Variants in RBFOX1 observed in about 807,000 individuals in gnomAD.
RBFOX1 encodes the protein RNA binding protein fox-1 homolog 1.
RBFOX1 carries 8 observed loss-of-function variants against 57.7 expected under a neutral mutation model. The observed-to-expected ratio is 0.14, with a 90% CI of 0.08 to 0.25. The LOEUF (loss-of-function observed/expected upper bound fraction) is 0.25, where lower values mean the gene tolerates loss of function less well. RBFOX1 is among the 10% of genes least tolerant of loss of function. RBFOX1 has a pLI of 1.00. For synonymous variants in RBFOX1, 326 were observed against 222.4 expected (o/e 1.47, Z -4.15); for missense variants, 611 against 548.5 (o/e 1.11, Z -1.14).
intron 5 of RBFOX1, among the ~76,000 whole-genome samples, chr16:7,574,763 C>G (rs1168863815): frequency 6.6e-6 from 1 of 152,114 alleles, no homozygotes; most frequent in Non-Finnish European, 1.5e-5. Context: ...ACTTTGCATC[C>G]TTCAATCCAA....
intron 1 of RBFOX1, among the ~76,000 whole-genome samples, chr16:5,286,888 G>T (rs34158523): frequency 3.3e-5 from 5 of 152,088 alleles, no homozygotes; most frequent in Non-Finnish European, 5.9e-5. Context: ...GGCCAGATTT[G>T]GCCCTTGGTC....
At chr16:7,180,819 A>C (rs2082552736) in intron 4 of RBFOX1, among the ~76,000 whole-genome samples, 1 of 151,434 alleles carries the variant, frequency 6.6e-6, no homozygotes, top group South Asian at 2.1e-4. Flanking sequence ...TTAAAAAGAC[A>C]CATGTGTCAG....
At chr16:5,239,860 C>G (rs1451330031) in exon 1 of RBFOX1, 16 of 1,311,676 alleles carry the variant, frequency 1.2e-5, no homozygotes, top group Non-Finnish European at 1.7e-5. Flanking sequence ...TTCCTCTTCC[C>G]CAAGTGCAGG....
intron 1 of RBFOX1, among the ~76,000 whole-genome samples, chr16:6,181,617 A>C (rs904241015): frequency 1.3e-5 from 2 of 152,176 alleles, no homozygotes; most frequent in Admixed American, 6.5e-5. Context: ...ACCGTAGTCT[A>C]TTCCTGTGGT....
chr16:6,706,645 G>A (rs1018648687), intron 3 of RBFOX1, among the ~76,000 whole-genome samples: 5 of 151,948 alleles, frequency 3.3e-5, no homozygotes, highest in East Asian at 1.9e-4. Context: ...TTTCTGAAGG[G>A]CAACACTGTT....
chr16:6,338,205 T>G (rs1027004288), intron 2 of RBFOX1, among the ~76,000 whole-genome samples: 1 of 152,198 alleles, frequency 6.6e-6, no homozygotes, highest in Non-Finnish European at 1.5e-5. Flanking sequence ...TCCCCACCTC[T>G]TCACTTGAAT....
chr16:5,641,400 T>C (rs575738271), intron 3 of RBFOX1, among the ~76,000 whole-genome samples: 15 of 152,204 alleles, frequency 9.9e-5, no homozygotes, highest in Non-Finnish European at 1.8e-4. Flanking sequence ...CAGTGTCCAG[T>C]AGTAGTAAGT....
intron 4 of RBFOX1, among the ~76,000 whole-genome samples, chr16:7,282,683 G>C (rs539163732): frequency 6.6e-6 from 1 of 152,062 alleles, no homozygotes; most frequent in African/African-American, 2.4e-5. Context: ...CCCATCACCT[G>C]AGCAGTATAC....
chr16:5,290,916 C>G (rs192778149), intron 1 of RBFOX1, among the ~76,000 whole-genome samples: 2 of 152,106 alleles, frequency 1.3e-5, no homozygotes, highest in African/African-American at 2.4e-5. Context: ...CCAGGCTGGT[C>G]TCAAACTCCT....
At chr16:5,374,278 A>G (rs1596720980) in intron 1 of RBFOX1, among the ~76,000 whole-genome samples, 1 of 152,230 alleles carries the variant, frequency 6.6e-6, no homozygotes, top group Non-Finnish European at 1.5e-5. Context: ...GCAAGAATGA[A>G]CTAATAAAAG....
At chr16:7,533,153 T>C (rs7197791) in intron 5 of RBFOX1, among the ~76,000 whole-genome samples, 4,544 of 152,334 alleles carry the variant, frequency 0.03, 197 homozygotes, top group African/African-American at 0.1. Context: ...GGACTGGTCC[T>C]CATAGGCACT....
At chr16:5,370,464 T>TTTA (rs1166126892) in intron 1 of RBFOX1, among the ~76,000 whole-genome samples, 1 of 148,580 alleles carries the variant, frequency 6.7e-6, no homozygotes. Flanking sequence ...CTCCTCCTCT[T>TTTA]TTTTTTTTTT....
rs190229335 is a variant in RBFOX1 at position 6,540,199 on chromosome 16, A to G, written c.-63-114404A>G. 5.3e-3 allele frequency among the ~76,000 whole-genome samples: 812 copies of G among 152,070 alleles called. 7 individuals carry two copies. The highest frequency in any genetic ancestry group is 6.2e-3 in the Non-Finnish European group (420 of 67,988). On this transcript the variant is annotated intron_variant, in intron 2 of 15. Transcript: ENST00000550418. Reference sequence around the variant, plus strand: ...TCTGAGGTCTATCTTTATGTTAATGATTCTTCATTACTTTAACATTCTTGA... The same window carrying G: ...TCTGAGGTCTATCTTTATGTTAATGGTTCTTCATTACTTTAACATTCTTGA...
chr16:6,319,157 C>G (rs1209226221), intron 2 of RBFOX1, among the ~76,000 whole-genome samples: 3 of 152,064 alleles, frequency 2.0e-5, no homozygotes, highest in African/African-American at 7.2e-5. Flanking sequence ...GAGCGATGAC[C>G]TAGTAGTTGG....
chr16:6,589,434 A>G (rs2097678949), intron 2 of RBFOX1, among the ~76,000 whole-genome samples: 1 of 152,146 alleles, frequency 6.6e-6, no homozygotes, highest in Admixed American at 6.5e-5. Flanking sequence ...GGAAGTGCTG[A>G]CTGGTCAGGT....
At chr16:7,281,649 A>T (rs2095545987) in intron 4 of RBFOX1, among the ~76,000 whole-genome samples, 1 of 152,108 alleles carries the variant, frequency 6.6e-6, no homozygotes, top group African/African-American at 2.4e-5. Flanking sequence ...AGTCTAGATG[A>T]GAAGACAGTG....
chr16:7,287,575 A>G (rs182984510), intron 4 of RBFOX1, among the ~76,000 whole-genome samples: 55 of 152,342 alleles, frequency 3.6e-4, no homozygotes, highest in Admixed American at 1.1e-3. Flanking sequence ...TGGGCTACTT[A>G]AATGGAAGAA....
intron 3 of RBFOX1, among the ~76,000 whole-genome samples, chr16:5,713,171 C>G (rs974332565): frequency 6.6e-6 from 1 of 152,198 alleles, no homozygotes; most frequent in Non-Finnish European, 1.5e-5. Flanking sequence ...TCTGTGTAAT[C>G]ATACTGTCTT....
At chr16:5,585,426 T>C (rs1391469456) in intron 2 of RBFOX1, among the ~76,000 whole-genome samples, 1 of 152,174 alleles carries the variant, frequency 6.6e-6, no homozygotes, top group Non-Finnish European at 1.5e-5. Context: ...ACATCTGGGG[T>C]GTTTCCTGCT....
Sources: allele counts gnomAD v4.1 joint callset (sites outside exome capture counted in the v4.1 genomes callset), GRCh38; gene constraint gnomAD v4.1.1; transcripts MANE v1.5; gene names NCBI Gene and HGNC (gene_info 2026-07-23, HGNC 2026-07-21).